The following TBCK variants were observed in gnomAD, a reference collection of about 807,000 sequenced individuals.
The protein encoded by TBCK is TBC1 domain containing kinase, also known as TBC domain-containing protein kinase-like protein.
TBCK carries 99 observed loss-of-function variants against 113.4 expected under a neutral mutation model. That is an observed-to-expected ratio of 0.87 (90% CI 0.74 to 1.03). TBCK has a LOEUF of 1.03. TBCK is among the 50% of genes least tolerant of loss of function. The pLI is 0.00. For missense variants in TBCK, 1,045 were observed against 1,061.3 expected (o/e 0.98, Z 0.21); for synonymous variants, 369 against 370.8 (o/e 1.00, Z 0.05).
chr4:106,114,760 G>A (rs1743297848), intron 24 of TBCK, among the ~76,000 whole-genome samples: 1 of 152,106 alleles, frequency 6.6e-6, no homozygotes, highest in Non-Finnish European at 1.5e-5. Flanking sequence ...GAATTGCTAT[G>A]AATAAAGACT....
chr4:106,279,389 G>A (rs1259231217), intron 3 of TBCK, among the ~76,000 whole-genome samples: 1 of 152,072 alleles, frequency 6.6e-6, no homozygotes, highest in Non-Finnish European at 1.5e-5. Context: ...CATACAATGT[G>A]TAATAATCAT....
chr4:106,258,247 A>T (rs548633604), intron 5 of TBCK, among the ~76,000 whole-genome samples: 1 of 152,184 alleles, frequency 6.6e-6, no homozygotes, highest in South Asian at 2.1e-4. Context: ...AGTGGCTTTC[A>T]TCATCTGTTT....
chr4:106,077,675 A>G (rs1478993473), intron 25 of TBCK, among the ~76,000 whole-genome samples: 1 of 152,178 alleles, frequency 6.6e-6, no homozygotes, highest in Non-Finnish European at 1.5e-5. Context: ...GTTCTTAGAG[A>G]TCTATGAGGA....
chr4:106,219,430 A>G (rs1028362478), intron 19 of TBCK, among the ~76,000 whole-genome samples: 1 of 151,672 alleles, frequency 6.6e-6, no homozygotes, highest in African/African-American at 2.4e-5. Flanking sequence ...ATAAAAAAAG[A>G]CATAAGAATA....
intron 5 of TBCK, among the ~76,000 whole-genome samples, chr4:106,254,401 T>A (rs1043348213): frequency 6.6e-6 from 1 of 152,352 alleles, no homozygotes; most frequent in South Asian, 2.1e-4. Flanking sequence ...CCTATGATAA[T>A]CTTTTACTGC....
intron 25 of TBCK, among the ~76,000 whole-genome samples, chr4:106,082,423 T>C (rs1199445402): frequency 2.6e-5 from 4 of 152,000 alleles, no homozygotes; most frequent in Admixed American, 2.6e-4. Context: ...ATAATAGATA[T>C]TAAAGACTGC....
intron 3 of TBCK, among the ~76,000 whole-genome samples, chr4:106,277,349 T>G (rs1764142670): frequency 1.3e-5 from 2 of 152,150 alleles, no homozygotes; most frequent in African/African-American, 4.8e-5. Context: ...AAGTATTTCC[T>G]CATGAAAAAT....
At chr4:106,162,115 T>C (rs1579089161) in intron 23 of TBCK, among the ~76,000 whole-genome samples, 1 of 152,082 alleles carries the variant, frequency 6.6e-6, no homozygotes, top group Non-Finnish European at 1.5e-5. Context: ...TAGAAAAATA[T>C]ACCCATTCCA....
Position 106,114,359 on chromosome 4 carries a change from G to A in TBCK, c.2411+1844C>T, listed in dbSNP as rs189796326. Among the ~76,000 whole-genome samples, 335 of 152,322 alleles carry A rather than the reference G, an allele frequency of 2.2e-3. 2 individuals carry two copies. Among genetic ancestry groups the A allele is most frequent in the African/African-American group, 7.0e-3 (293 of 41,564 alleles). On this transcript the variant is annotated intron_variant, in intron 24 of 25. Transcript: ENST00000394708. The stretch of plus-strand genomic sequence containing the variant: ...GATAGCAAAGAGATATAAAGGAATT[G>A]ATCTAGGTAAGTTAGTTTAACTTGG...
intron 21 of TBCK, 69 bp downstream of exon 21, chr4:106,194,637 TGTAAATATAAAA>T: frequency 9.2e-7 from 1 of 1,085,560 alleles, no homozygotes; most frequent in Non-Finnish European, 1.4e-6. Flanking sequence ...TCAATGTTAT[TGTAAATATAAAA>T]TATGGGGAGG....
At chr4:106,122,086 G>A (rs1744471712) in intron 23 of TBCK, among the ~76,000 whole-genome samples, 2 of 152,122 alleles carry the variant, frequency 1.3e-5, no homozygotes, top group Admixed American at 6.5e-5. Flanking sequence ...GAATCCAGGA[G>A]CTGGTTTTTT....
intron 23 of TBCK, among the ~76,000 whole-genome samples, chr4:106,162,967 T>C (rs761848054): frequency 4.2e-4 from 64 of 152,126 alleles, no homozygotes; most frequent in South Asian, 2.1e-4. Context: ...CCCCAGGAAA[T>C]GGGTTTTTCT....
intron 23 of TBCK, among the ~76,000 whole-genome samples, chr4:106,166,202 G>C (rs1579100888): frequency 1.3e-5 from 2 of 151,614 alleles, no homozygotes; most frequent in East Asian, 3.9e-4. Context: ...TATTAAAAAT[G>C]TAGACATTTC....
At position 106,215,235 on chromosome 4, in the gene TBCK, C is replaced by G. The variant is rs191463910; in HGVS notation, c.1775-2400G>C. 8.9e-3 allele frequency among the ~76,000 whole-genome samples: 1,358 copies of G among 152,208 alleles called. 14 individuals are homozygous for G. Among genetic ancestry groups the G allele is most frequent in the Non-Finnish European group, 0.015 (1,022 of 68,018 alleles). ...AGGAAGCAGTAAACATGGAAAGGAA[C>G]AACCGGTACCAGCCGCTGCAAAATC... is the stretch of plus-strand genomic sequence containing the variant. On this transcript the variant is annotated intron_variant, in intron 19 of 25. Coordinates refer to ENST00000394708, the MANE Select transcript of TBCK (RefSeq NM_001163435.3).
At chr4:106,264,698 C>T (rs7662395) in intron 3 of TBCK, among the ~76,000 whole-genome samples, 24,253 of 151,842 alleles carry the variant, frequency 0.16, 1,967 homozygotes, top group South Asian at 0.25. Context: ...CAAGATTTAA[C>T]GGATACCATA....
intron 20 of TBCK, among the ~76,000 whole-genome samples, chr4:106,202,724 T>A (rs536609046): frequency 6.6e-6 from 1 of 152,134 alleles, no homozygotes; most frequent in Non-Finnish European, 1.5e-5. Flanking sequence ...GATGACAGTC[T>A]CTTAGGTGAA....
At chr4:106,216,684 G>A (rs1481346269) in intron 19 of TBCK, among the ~76,000 whole-genome samples, 2 of 152,136 alleles carry the variant, frequency 1.3e-5, no homozygotes, top group African/African-American at 4.8e-5. Context: ...TTCAATCTCT[G>A]AATAGACCAA....
At chr4:106,214,576 G>A (rs914129727) in intron 19 of TBCK, among the ~76,000 whole-genome samples, 15 of 152,284 alleles carry the variant, frequency 9.9e-5, no homozygotes, top group African/African-American at 1.4e-4. Context: ...ATGCAGAAGC[G>A]TCAGGAGCCG....
intron 1 of TBCK, chr4:106,310,597 G>A (rs949254099): frequency 3.9e-5 from 6 of 152,228 alleles, no homozygotes; most frequent in African/African-American, 1.4e-4. Context: ...CTGGTGAGAA[G>A]AGCAAACTCC....
Sources: allele counts gnomAD v4.1 joint callset (sites outside exome capture counted in the v4.1 genomes callset), GRCh38; gene constraint gnomAD v4.1.1; transcripts MANE v1.5; gene names NCBI Gene and HGNC (gene_info 2026-07-23, HGNC 2026-07-21).